TMCO1: variants seen among roughly 807,000 people sequenced by gnomAD.
TMCO1 encodes the protein transmembrane and coiled-coil domains 1, also known as calcium load-activated calcium channel.
In TMCO1, 29 loss-of-function variants were observed where a neutral mutation model predicts 29.3. The observed-to-expected ratio is 0.99, with a 90% CI of 0.74 to 1.35. TMCO1 has a LOEUF of 1.35. TMCO1 is among the 40% of genes most tolerant of loss of function. The pLI is 0.00. For synonymous variants in TMCO1, 80 were observed against 77.1 expected, an observed-to-expected ratio of 1.04 and a Z score of -0.20; for missense variants, 173 against 225.5, an observed-to-expected ratio of 0.77 and a Z score of 1.49.
At chr1:165,760,432 CA>C (rs11356353) in intron 2 of TMCO1, among the ~76,000 whole-genome samples, 106,828 of 133,564 alleles carry the variant, frequency 0.8, 42,398 homozygotes, top group East Asian at 0.96. Context: ...CTCTGTTTCT[CA>C]AAAAAAAAAA....
intron 4 of TMCO1, 124 bp from the exon 5 acceptor site, chr1:165,752,293 C>G: frequency 1.4e-6 from 1 of 720,158 alleles, no homozygotes; most frequent in East Asian, 2.9e-5. Context: ...CTTGCTCTGT[C>G]TCCCAGGCTG....
In TMCO1 at chr1:165,768,185, T is replaced by A. The variant is rs781034606; in HGVS notation, c.148+7A>T. The A allele has an allele frequency of 6.2e-7, 1 of 1,607,374 alleles. No homozygotes were observed. Among genetic ancestry groups the A allele is most frequent in the East Asian group, 2.2e-5 (1 of 44,848 alleles). On this transcript the variant is annotated splice_region_variant and intron_variant, in intron 2 of 6. Transcript: ENST00000367881. ...TGAAATTATTTCTAATGTGTTGCCA[T>A]ACTCACATTTTTTACTCTGTTTTTC...
intron 6 of TMCO1, among the ~76,000 whole-genome samples, chr1:165,735,208 T>C (rs1243451098): frequency 6.6e-6 from 1 of 152,200 alleles, no homozygotes; most frequent in Non-Finnish European, 1.5e-5. Context: ...AAAATGTCCC[T>C]AGATCTCTTT....
At chr1:165,731,621 T>C (rs964967044) in intron 6 of TMCO1, among the ~76,000 whole-genome samples, 1 of 152,236 alleles carries the variant, frequency 6.6e-6, no homozygotes, top group Non-Finnish European at 1.5e-5. Flanking sequence ...AAATAATATT[T>C]TGAAGAAACA....
chr1:165,724,942 T>C (rs913223381), downstream of TMCO1: 34 of 452,678 alleles, frequency 7.5e-5, no homozygotes, highest in African/African-American at 6.6e-4. Flanking sequence ...CTGATAATTG[T>C]CGAAGGTGGA....
rs764501911 is a variant in TMCO1, at chr1:165,759,583, C to T, written c.150G>A (p.Leu50=). The change falls in exon 3 of 7, where the codon TTG becomes TTA. Residue 50 remains leucine, a splice_region_variant and synonymous_variant. Transcript: ENST00000367881. ...CTGTTATTGTTTCCTTCTTCTTTTCCACTGTAAACAACATAGTAACACAGT... is the reference window on the plus strand; with the variant it reads ...CTGTTATTGTTTCCTTCTTCTTTTCTACTGTAAACAACATAGTAACACAGT... ...KAEVEKQSKK[L]EKKKETITES... The T allele has an allele frequency of 3.7e-6, 6 of 1,611,738 alleles. No individual in the cohort carries two copies. Among genetic ancestry groups the T allele is most frequent in the Non-Finnish European group, 5.1e-6 (6 of 1,178,592 alleles).
intron 3 of TMCO1, among the ~76,000 whole-genome samples, chr1:165,758,708 T>C (rs1652287650): frequency 1.3e-5 from 2 of 152,236 alleles, no homozygotes; most frequent in African/African-American, 4.8e-5. Context: ...GTTTCTCCAA[T>C]GCTGTTAGGA....
At chr1:165,763,570 T>C (rs999503636) in intron 2 of TMCO1, among the ~76,000 whole-genome samples, 1 of 152,188 alleles carries the variant, frequency 6.6e-6, no homozygotes, top group Non-Finnish European at 1.5e-5. Context: ...TATGAAGAAA[T>C]TATAGTAAAA....
Position 165,743,165 on chromosome 1 carries a change from A to C in TMCO1, c.468+2T>G. The stretch of plus-strand genomic sequence containing the variant: ...TATTAAATGGTAGATGTGATCACTC[A>C]CCTGTCGAATCGACATAGTACAGAG... On this transcript the variant is annotated splice_donor_variant, in intron 6 of 6. Coordinates refer to ENST00000367881, the MANE Select transcript of TMCO1 (RefSeq NM_019026.6). LOFTEE classifies it high-confidence loss of function. 1 of 1,614,086 alleles carries C rather than the reference A, an allele frequency of 6.2e-7. No individual in the cohort carries two copies. Among genetic ancestry groups the C allele is most frequent in the African/African-American group, 1.3e-5 (1 of 75,046 alleles).
intron 2 of TMCO1, among the ~76,000 whole-genome samples, chr1:165,767,860 G>T (rs550622500): frequency 2.6e-5 from 4 of 152,210 alleles, no homozygotes; most frequent in African/African-American, 9.6e-5. Flanking sequence ...TTTCTGTAGG[G>T]ACGAGGTCTC....
In TMCO1 at chr1:165,751,280, G is replaced by A. The variant is rs1051338125; in HGVS notation, c.323+822C>T. Among the ~76,000 whole-genome samples the A allele has an allele frequency of 2.0e-5, 3 of 152,088 alleles. No individual in the cohort carries two copies. The East Asian group carries it at 5.8e-4, about 29-fold the overall frequency. On this transcript the variant is annotated intron_variant, in intron 5 of 6. Coordinates refer to ENST00000367881, the MANE Select transcript of TMCO1 (RefSeq NM_019026.6). ...TCATTTTGAAGCAGCATGTTAGTAA[G>A]CAACTGAAAAAGAGGGAACATATTA...
intron 6 of TMCO1, among the ~76,000 whole-genome samples, chr1:165,731,820 T>A (rs1261951964): frequency 1.3e-5 from 2 of 152,226 alleles, no homozygotes; most frequent in East Asian, 3.8e-4. Flanking sequence ...CTCTATACTT[T>A]CCTTTACTCT....
intron 2 of TMCO1, among the ~76,000 whole-genome samples, chr1:165,761,321 G>A (rs2101815033): frequency 6.6e-6 from 1 of 152,148 alleles, no homozygotes; most frequent in East Asian, 1.9e-4. Context: ...GACTGCTTGA[G>A]CCCAGGAGTT....
rs143695489 is a variant in TMCO1, at chr1:165,754,236, G to C, written c.247C>G (p.Leu83Val). Reference protein sequence around the residue: ...EEKLKNNNRDLSMVRMKSMFA... With the variant: ...EEKLKNNNRDVSMVRMKSMFA... ...ATAGTTAGGTCTCTTACCATTGATA[G>C]ATCTCTGTTGTTATTCTTCAGTTTC... Residue 83 changes from leucine to valine, a missense_variant, in exon 4 of 7, where the codon CTA becomes GTA. Leu to Val is a conservative substitution (Grantham distance 32). Transcript: ENST00000367881. The C allele has an allele frequency of 3.1e-6, 5 of 1,610,512 alleles. No homozygotes were observed. The highest frequency in any genetic ancestry group is 1.7e-5 in the Admixed American group (1 of 59,996).
At chr1:165,757,906 A>G (rs1460774176) in intron 3 of TMCO1, among the ~76,000 whole-genome samples, 2 of 152,216 alleles carry the variant, frequency 1.3e-5, no homozygotes, top group Non-Finnish European at 2.9e-5. Flanking sequence ...CGTGTTGCCA[A>G]TTTAAGGACA....
intron 6 of TMCO1, among the ~76,000 whole-genome samples, chr1:165,732,606 A>G (rs946393144): frequency 6.6e-6 from 1 of 151,806 alleles, no homozygotes; most frequent in Admixed American, 6.6e-5. Flanking sequence ...TAAACTATGG[A>G]TTTGGGGGTA....
chr1:165,739,490 CA>C (rs1355612064), intron 6 of TMCO1, among the ~76,000 whole-genome samples: 1 of 152,064 alleles, frequency 6.6e-6, no homozygotes, highest in Non-Finnish European at 1.5e-5. Context: ...CGGGCTCAAG[CA>C]ATCTTCCCAC....
Position 165,763,040 on chromosome 1 carries a change from A to G in TMCO1, c.149-3456T>C, listed in dbSNP as rs376590646. Among the ~76,000 whole-genome samples, 6 of 152,340 alleles carry G rather than the reference A, an allele frequency of 3.9e-5. No individual in the cohort carries two copies. The South Asian group carries it at 8.3e-4, about 21-fold the overall frequency. On this transcript the variant is annotated intron_variant, in intron 2 of 6. Transcript: ENST00000367881. ...GAAAGCATTTCCTTTTGTTAAAAGC[A>G]GCTCAGTAGGACTGCTTTTTGGACA...
At chr1:165,728,713 A>G (rs1404379226) in intron 6 of TMCO1, among the ~76,000 whole-genome samples, 4 of 152,208 alleles carry the variant, frequency 2.6e-5, no homozygotes. Context: ...AACAAGAAGC[A>G]TATGAAGAAT....
Sources: allele counts gnomAD v4.1 joint callset (sites outside exome capture counted in the v4.1 genomes callset), GRCh38; gene constraint gnomAD v4.1.1; transcripts MANE v1.5; gene names NCBI Gene and HGNC (gene_info 2026-07-23, HGNC 2026-07-21).